Variants in MYO10 observed in about 807,000 individuals in gnomAD.
The protein encoded by MYO10 is unconventional myosin-X.
MYO10 carries 133 observed loss-of-function variants against 257.3 expected under a neutral mutation model. That is an observed-to-expected ratio of 0.52 (90% CI 0.45 to 0.60). MYO10 has a LOEUF of 0.60. Ranked by LOEUF, MYO10 falls within the 20% of genes least tolerant of loss-of-function variation. The probability of loss-of-function intolerance (pLI) is 0.00; values close to 1 mark genes in which losing one functional copy is unlikely to be tolerated. For missense variants in MYO10, 2,399 were observed against 2,635.7 expected (o/e 0.91, Z 1.97); for synonymous variants, 1,104 against 1,028.6 (o/e 1.07, Z -1.40).
intron 39 of MYO10, among the ~76,000 whole-genome samples, 157 bp from the exon 40 acceptor site, chr5:16,668,625 T>C (rs1001890012): frequency 2.6e-5 from 4 of 152,142 alleles, no homozygotes; most frequent in Non-Finnish European, 2.9e-5. Context: ...ATATGAAAAA[T>C]GGCACCTCTC....
intron 30 of MYO10, among the ~76,000 whole-genome samples, chr5:16,682,515 G>A (rs544402024): frequency 2.0e-5 from 3 of 152,142 alleles, no homozygotes; most frequent in East Asian, 3.9e-4. Context: ...ATCTAACAAG[G>A]GTGCATTTCC....
intron 2 of MYO10, among the ~76,000 whole-genome samples, chr5:16,872,613 A>C (rs973287848): frequency 3.3e-5 from 5 of 152,224 alleles, no homozygotes; most frequent in Admixed American, 1.3e-4. Context: ...TAAGAAAGGG[A>C]AAGAATGCTA....
intron 1 of MYO10, among the ~76,000 whole-genome samples, chr5:16,889,633 T>C (rs892048010): frequency 2.6e-5 from 4 of 151,708 alleles, no homozygotes; most frequent in Non-Finnish European, 5.9e-5. Context: ...ACACAGATTT[T>C]ATAAAATGTA....
chr5:16,840,080 G>T (rs1209073430), intron 2 of MYO10, among the ~76,000 whole-genome samples: 1 of 152,144 alleles, frequency 6.6e-6, no homozygotes, highest in African/African-American at 2.4e-5. Flanking sequence ...GCAGAGCTCT[G>T]CCAGGTTTCC....
intron 5 of MYO10, among the ~76,000 whole-genome samples, chr5:16,782,617 C>CA (rs777019175): frequency 4.0e-5 from 6 of 151,620 alleles, no homozygotes; most frequent in African/African-American, 1.5e-4. Context: ...TGCTAAAAAA[C>CA]AAAAAACAAA....
At chr5:16,869,889 C>A (rs549922978) in intron 2 of MYO10, among the ~76,000 whole-genome samples, 1,768 of 116,680 alleles carry the variant, frequency 0.015, 47 homozygotes, top group Middle Eastern at 0.054. Context: ...ATAATAATAA[C>A]TTAATAAAAA....
intron 3 of MYO10, among the ~76,000 whole-genome samples, chr5:16,808,577 C>A (rs1487467364): frequency 6.6e-6 from 1 of 152,200 alleles, no homozygotes; most frequent in Non-Finnish European, 1.5e-5. Context: ...AAGCTGTTAA[C>A]TGAAGTCAAG....
chr5:16,675,999 T>A, intron 34 of MYO10, 32 bp downstream of exon 34: 1 of 1,590,630 alleles, frequency 6.3e-7, no homozygotes, highest in African/African-American at 1.4e-5. Flanking sequence ...AATCATGGTC[T>A]CTGAGGAGTC....
At chr5:16,696,485 CTTT>C (rs1396487268) in intron 26 of MYO10, among the ~76,000 whole-genome samples, 1 of 152,196 alleles carries the variant, frequency 6.6e-6, no homozygotes, top group Non-Finnish European at 1.5e-5. Context: ...CATTTAACTT[CTTT>C]GACCCTGATT....
At chr5:16,831,508 G>C (rs1561008052) in intron 2 of MYO10, among the ~76,000 whole-genome samples, 4 of 150,976 alleles carry the variant, frequency 2.6e-5, no homozygotes, top group African/African-American at 9.8e-5. Context: ...AGAAACTGTG[G>C]TATATATATA....
At chr5:16,681,843 A>T in intron 31 of MYO10, 28 bp downstream of exon 31, 1 of 1,609,742 alleles carries the variant, frequency 6.2e-7, no homozygotes, top group East Asian at 2.2e-5. Flanking sequence ...TCTGTTAAGC[A>T]GACCGAGGAA....
intron 2 of MYO10, among the ~76,000 whole-genome samples, chr5:16,827,880 A>C (rs1036209143): frequency 4.6e-5 from 7 of 152,162 alleles, no homozygotes; most frequent in Non-Finnish European, 8.8e-5. Flanking sequence ...CTCATTTTTA[A>C]AAGGATGAAT....
intron 2 of MYO10, among the ~76,000 whole-genome samples, chr5:16,822,967 G>A (rs1438547312): frequency 5.3e-5 from 8 of 151,932 alleles, no homozygotes; most frequent in Admixed American, 3.3e-4. Flanking sequence ...GATTACAGGC[G>A]TGAGCCACCG....
chr5:16,796,473 GAAAAGA>G lies in MYO10; in HGVS notation c.280-1646_280-1641del, dbSNP rs1560989923. 2.8e-3 allele frequency among the ~76,000 whole-genome samples: 92 copies of G among 33,254 alleles called. 3 individuals are homozygous for G. The highest frequency in any genetic ancestry group is 7.9e-3 in the African/African-American group (80 of 10,068). 21.8% of individuals were successfully genotyped at this position (33,254 alleles called of 152,430 possible). ...GAAAGAAAGAAAGAAAGAAAGAAAA[GAAAAGA>G]AAAGAAAGAAAGAAAGAAGGAAAAT... On this transcript the variant is annotated intron_variant, in intron 3 of 40. Transcript: ENST00000513610.
At chr5:16,700,528 T>G (rs772589560) in intron 25 of MYO10, among the ~76,000 whole-genome samples, 3 of 151,880 alleles carry the variant, frequency 2.0e-5, no homozygotes, top group African/African-American at 4.8e-5. Context: ...AATACAAAAA[T>G]TAGACCGGTG....
chr5:16,884,434 T>G (rs1230196097), intron 1 of MYO10, among the ~76,000 whole-genome samples: 2 of 152,174 alleles, frequency 1.3e-5, no homozygotes, highest in Non-Finnish European at 2.9e-5. Context: ...AATAACTTTG[T>G]AATGCATAAG....
intron 1 of MYO10, among the ~76,000 whole-genome samples, chr5:16,898,368 C>A (rs1745271388): frequency 6.6e-6 from 1 of 151,608 alleles, no homozygotes; most frequent in Non-Finnish European, 1.5e-5. Flanking sequence ...CATCAATGAG[C>A]TAACTGGCAT....
At position 16,751,740 on chromosome 5, in the gene MYO10, G is replaced by T. The variant is rs192545653; in HGVS notation, c.1929+3088C>A. Among the ~76,000 whole-genome samples, 220 of 151,898 alleles carry T rather than the reference G, an allele frequency of 1.4e-3. No individual in the cohort carries two copies. In the Middle Eastern group the frequency reaches 0.017, roughly 12 times the overall value. On this transcript the variant is annotated intron_variant, in intron 19 of 40. Coordinates refer to ENST00000513610, the MANE Select transcript of MYO10 (RefSeq NM_012334.3). The stretch of plus-strand genomic sequence containing the variant: ...CCCATCTTGGTCTCCCAAAGTGCTG[G>T]GATTACAGGCGTGAGCCACCGCCCC...
intron 6 of MYO10, among the ~76,000 whole-genome samples, chr5:16,781,327 A>G (rs4469194): frequency 0.72 from 109,182 of 151,632 alleles, 40,259 homozygotes; most frequent in Non-Finnish European, 0.81. Flanking sequence ...TGATCTGACC[A>G]CCTTGGCCTC....
Sources: allele counts gnomAD v4.1 joint callset (sites outside exome capture counted in the v4.1 genomes callset), GRCh38; gene constraint gnomAD v4.1.1; transcripts MANE v1.5; gene names NCBI Gene and HGNC (gene_info 2026-07-23, HGNC 2026-07-21).